DOCK4: variants seen among roughly 807,000 people sequenced by gnomAD.
The protein encoded by DOCK4 is dedicator of cytokinesis protein 4.
DOCK4 carries 97 observed loss-of-function variants against 268.1 expected under a neutral mutation model. The ratio of observed to expected loss-of-function variants is 0.36; its 90% confidence interval spans 0.31 to 0.43. The LOEUF (loss-of-function observed/expected upper bound fraction) is 0.43. Among genes scored for constraint, DOCK4 ranks in the 20% least tolerant of loss-of-function variants. DOCK4 has a pLI of 1.00. For missense variants in DOCK4, 2,145 were observed against 2,455.7 expected (o/e 0.87, Z 2.67); for synonymous variants, 954 against 887.2 (o/e 1.08, Z -1.34).
At chr7:111,764,038 C>T (rs974176752) in intron 39 of DOCK4, among the ~76,000 whole-genome samples, 1 of 152,118 alleles carries the variant, frequency 6.6e-6, no homozygotes, top group Non-Finnish European at 1.5e-5. Flanking sequence ...TAGGCAGGCC[C>T]ACCTGCAAAG....
chr7:112,189,491 T>A (rs1226872048), intron 1 of DOCK4, among the ~76,000 whole-genome samples: 1 of 152,210 alleles, frequency 6.6e-6, no homozygotes, highest in African/African-American at 2.4e-5. Flanking sequence ...AAACGGAGTC[T>A]AGCAGTCACA....
chr7:112,203,985 T>G (rs572269880), intron 1 of DOCK4, among the ~76,000 whole-genome samples: 2 of 152,260 alleles, frequency 1.3e-5, no homozygotes, highest in Admixed American at 6.5e-5. Flanking sequence ...CAGCAGTAAT[T>G]TGGGGCAAAA....
intron 1 of DOCK4, among the ~76,000 whole-genome samples, chr7:112,031,006 T>C (rs1803225904): frequency 6.6e-6 from 1 of 152,232 alleles, no homozygotes; most frequent in Non-Finnish European, 1.5e-5. Context: ...AGTGAAGCTA[T>C]GCCTATCTGT....
chr7:111,770,964 T>C (rs1001543343), intron 36 of DOCK4, among the ~76,000 whole-genome samples: 3 of 152,228 alleles, frequency 2.0e-5, no homozygotes, highest in Non-Finnish European at 2.9e-5. Context: ...TTCAATTACC[T>C]TTGGTGAGCT....
At position 112,103,146 on chromosome 7, in the gene DOCK4, T is replaced by A. The variant is rs540192858; in HGVS notation, c.38-99015A>T. 4.8e-4 allele frequency among the ~76,000 whole-genome samples: 73 copies of A among 152,322 alleles called. 2 individuals are homozygous for A. In the South Asian group the frequency reaches 0.014, roughly 30 times the overall value. On this transcript the variant is annotated intron_variant, in intron 1 of 52. Coordinates refer to ENST00000428084, the MANE Select transcript of DOCK4 (RefSeq NM_001363540.2). ...AATAAACTCAAGTCACATGAAACAG[T>A]TCCATTTCTTAAACTTATGAATCAC...
intron 1 of DOCK4, among the ~76,000 whole-genome samples, chr7:112,190,297 C>T (rs1819834500): frequency 6.6e-6 from 1 of 152,112 alleles, no homozygotes; most frequent in Non-Finnish European, 1.5e-5. Context: ...GTAGCAAAGT[C>T]GGACAGTTTC....
chr7:112,061,739 T>TCACACACACA lies in DOCK4; in HGVS notation c.38-57618_38-57609dup, dbSNP rs61696712. On this transcript the variant is annotated intron_variant, in intron 1 of 52. Coordinates refer to ENST00000428084, the MANE Select transcript of DOCK4 (RefSeq NM_001363540.2). ...ATATTCTGGGAAGATATTAACAATGTCACACACACACACACACACACACAC... is the reference window on the plus strand; with the variant it reads ...ATATTCTGGGAAGATATTAACAATGTCACACACACACACACACACACACACACACACACAC... Among the ~76,000 whole-genome samples, 664 of 137,210 alleles carry TCACACACACA rather than the reference T, an allele frequency of 4.8e-3. 5 individuals carry two copies. The highest frequency in any genetic ancestry group is 0.012 in the African/African-American group (422 of 36,178). The allele number at this position is 137,210 out of a possible 152,430, so 90.0% of individuals were successfully genotyped here. A position where few individuals can be genotyped will look rare whatever the true frequency, so the allele number is the denominator to read the frequency against.
chr7:111,837,021 C>CA (rs1196072298), intron 25 of DOCK4, among the ~76,000 whole-genome samples: 2 of 151,720 alleles, frequency 1.3e-5, no homozygotes, highest in Non-Finnish European at 2.9e-5. Flanking sequence ...ACCTGTATAT[C>CA]AAAAAATCTC....
intron 13 of DOCK4, among the ~76,000 whole-genome samples, chr7:111,904,105 G>A (rs1205657463): frequency 6.6e-6 from 1 of 152,214 alleles, no homozygotes; most frequent in Non-Finnish European, 1.5e-5. Context: ...GAGGTGATAA[G>A]GGAGGTTTGC....
At chr7:112,206,079 A>T in intron 1 of DOCK4, 23 bp downstream of exon 1, 1 of 1,570,146 alleles carries the variant, frequency 6.4e-7, no homozygotes, top group Non-Finnish European at 8.6e-7. Context: ...AGCAGAATAA[A>T]AGTTCGCCCC....
At chr7:111,938,639 C>A (rs1212680863) in intron 11 of DOCK4, among the ~76,000 whole-genome samples, 1 of 152,196 alleles carries the variant, frequency 6.6e-6, no homozygotes, top group Non-Finnish European at 1.5e-5. Context: ...TATCAAGTAA[C>A]TGTCTTAGTA....
chr7:111,856,897 A>C (rs1345248306), intron 23 of DOCK4, among the ~76,000 whole-genome samples: 1 of 152,244 alleles, frequency 6.6e-6, no homozygotes, highest in Non-Finnish European at 1.5e-5. Context: ...TAAAAAAACT[A>C]AGGTCTGTAC....
intron 1 of DOCK4, among the ~76,000 whole-genome samples, chr7:112,166,285 T>C (rs1042013442): frequency 1.3e-5 from 2 of 152,156 alleles, no homozygotes; most frequent in Non-Finnish European, 2.9e-5. Flanking sequence ...AAAAACATGC[T>C]CTTGGGGTAT....
chr7:111,788,544 G>T, intron 32 of DOCK4, 118 bp downstream of exon 32: 1 of 771,450 alleles, frequency 1.3e-6, no homozygotes, highest in Non-Finnish European at 2.2e-6. Flanking sequence ...CAAAGACAAA[G>T]CCCTCCTGTG....
Position 111,769,692 on chromosome 7 carries a change from A to C in DOCK4, c.3680-15T>G. Reference sequence around the variant, plus strand: ...ATATGCAGCTTCTGCAAGTCACGTGAGAAGACAATGATTGAGACAGGACCC... The same window carrying C: ...ATATGCAGCTTCTGCAAGTCACGTGCGAAGACAATGATTGAGACAGGACCC... On this transcript the variant is annotated splice_polypyrimidine_tract_variant and intron_variant, in intron 36 of 52. Transcript: ENST00000428084. 1 of 1,611,150 alleles carries C rather than the reference A, an allele frequency of 6.2e-7. No homozygotes were observed. The highest frequency in any genetic ancestry group is 8.5e-7 in the Non-Finnish European group (1 of 1,178,120).
intron 36 of DOCK4, among the ~76,000 whole-genome samples, chr7:111,770,144 G>T (rs770741694): frequency 6.7e-6 from 1 of 149,944 alleles, no homozygotes; most frequent in African/African-American, 2.5e-5. Context: ...CTGAAAAATC[G>T]AAACTGGTGA....
At chr7:111,859,859 G>A (rs1326106445) in intron 23 of DOCK4, among the ~76,000 whole-genome samples, 4 of 152,150 alleles carry the variant, frequency 2.6e-5, no homozygotes, top group African/African-American at 9.7e-5. Flanking sequence ...GAGCCACCGC[G>A]CCCGGCCGTG....
intron 1 of DOCK4, among the ~76,000 whole-genome samples, chr7:112,131,076 A>G (rs1000168045): frequency 6.6e-6 from 1 of 152,250 alleles, no homozygotes; most frequent in Non-Finnish European, 1.5e-5. Context: ...GGCCGGCCGT[A>G]TGCCATAAAT....
intron 8 of DOCK4, among the ~76,000 whole-genome samples, chr7:111,959,734 T>C (rs1462337785): frequency 6.6e-6 from 1 of 152,204 alleles, no homozygotes; most frequent in Non-Finnish European, 1.5e-5. Context: ...TTGAAAAGGC[T>C]ATTAGATTGT....
Sources: gnomAD v4.1 joint callset for allele counts (sites outside exome capture counted in the v4.1 genomes callset) on GRCh38, gnomAD v4.1.1 for gene constraint, MANE v1.5 for transcripts, NCBI Gene and HGNC (gene_info 2026-07-23, HGNC 2026-07-21) for gene names.